KCNMB2: variants seen among roughly 807,000 people sequenced by gnomAD.
KCNMB2 encodes calcium-activated potassium channel subunit beta-2.
A neutral mutation model predicts 24.5 loss-of-function variants in KCNMB2; 9 were observed. The observed-to-expected ratio is 0.37, with a 90% CI of 0.22 to 0.64. KCNMB2 has a LOEUF of 0.64. Among genes scored for constraint, KCNMB2 ranks in the 30% least tolerant of loss-of-function variants. KCNMB2 has a pLI of 0.63. For missense variants in KCNMB2, 226 were observed against 284.3 expected (o/e 0.79, Z 1.47); for synonymous variants, 109 against 104.4 (o/e 1.04, Z -0.27).
intron 1 of KCNMB2, among the ~76,000 whole-genome samples, chr3:178,761,942 C>T (rs34886170): frequency 0.099 from 15,094 of 152,076 alleles, 841 homozygotes; most frequent in Middle Eastern, 0.22. Context: ...GAGGCCGAGG[C>T]GGGCGGATCA....
At chr3:178,657,107 G>T (rs1720372210) in intron 1 of KCNMB2, among the ~76,000 whole-genome samples, 1 of 151,554 alleles carries the variant, frequency 6.6e-6, no homozygotes, top group Admixed American at 6.6e-5. Context: ...GGGTTCCCAG[G>T]TTGTCTAAAT....
intron 2 of KCNMB2, among the ~76,000 whole-genome samples, chr3:178,811,220 A>T (rs1714179487): frequency 6.6e-6 from 1 of 152,228 alleles, no homozygotes; most frequent in African/African-American, 2.4e-5. Context: ...ATGTTAATAT[A>T]CAAAGTGATA....
intron 2 of KCNMB2, among the ~76,000 whole-genome samples, chr3:178,823,309 T>C (rs1033935052): frequency 1.3e-5 from 2 of 151,876 alleles, no homozygotes; most frequent in Admixed American, 6.6e-5. Flanking sequence ...TGGGGAACAA[T>C]GAAAGATATG....
intron 1 of KCNMB2, among the ~76,000 whole-genome samples, chr3:178,684,524 T>C (rs1194552142): frequency 6.6e-6 from 1 of 152,046 alleles, no homozygotes; most frequent in Non-Finnish European, 1.5e-5. Context: ...AAATGGGTAA[T>C]TATTTGAGAT....
chr3:178,715,966 C>T (rs1325285233), intron 1 of KCNMB2, among the ~76,000 whole-genome samples: 1 of 152,118 alleles, frequency 6.6e-6, no homozygotes, highest in Non-Finnish European at 1.5e-5. Flanking sequence ...ACTGCCTGCC[C>T]CTCTCTTATG....
intron 1 of KCNMB2, among the ~76,000 whole-genome samples, chr3:178,676,963 C>A (rs1276541024): frequency 6.6e-6 from 1 of 152,074 alleles, no homozygotes; most frequent in Non-Finnish European, 1.5e-5. Context: ...GTGAACAGAC[C>A]ACCCTAGGCC....
intron 1 of KCNMB2, among the ~76,000 whole-genome samples, chr3:178,590,385 AAG>A (rs556649124): frequency 2.0e-5 from 3 of 152,176 alleles, no homozygotes; most frequent in Admixed American, 6.5e-5. Flanking sequence ...GAGGAAAAAA[AAG>A]AGAGCCTTTC....
intron 1 of KCNMB2, among the ~76,000 whole-genome samples, chr3:178,596,228 G>T (rs1156238379): frequency 6.6e-6 from 1 of 152,116 alleles, no homozygotes; most frequent in Non-Finnish European, 1.5e-5. Context: ...TCCAGTTGCA[G>T]ATGATCTATT....
At chr3:178,819,503 C>T (rs1376999443) in intron 2 of KCNMB2, among the ~76,000 whole-genome samples, 1 of 152,056 alleles carries the variant, frequency 6.6e-6, no homozygotes, top group East Asian at 1.9e-4. Flanking sequence ...CTCTCTGTCC[C>T]CTGTTCCCCC....
intron 1 of KCNMB2, among the ~76,000 whole-genome samples, chr3:178,754,906 G>C (rs1723978584): frequency 6.6e-6 from 1 of 152,168 alleles, no homozygotes; most frequent in African/African-American, 2.4e-5. Flanking sequence ...ACAGACTAAA[G>C]TTCCTCTCCC....
chr3:178,580,814 T>G (rs1384985573), intron 1 of KCNMB2, among the ~76,000 whole-genome samples: 5 of 152,120 alleles, frequency 3.3e-5, no homozygotes, highest in Admixed American at 3.3e-4. Context: ...TTACAAGGGA[T>G]GTGAAGGACC....
At chr3:178,760,010 C>A (rs1473289317) in intron 1 of KCNMB2, among the ~76,000 whole-genome samples, 10 of 5,912 alleles carry the variant, frequency 1.7e-3, no homozygotes, top group Non-Finnish European at 2.3e-3. Flanking sequence ...ATATATATAT[C>A]CAAGAGGATA....
rs371684593 is a variant in KCNMB2 at position 178,658,106 on chromosome 3, T to G, written c.-68+121395T>G. 7.9e-5 allele frequency among the ~76,000 whole-genome samples: 12 copies of G among 152,316 alleles called. No homozygotes were observed. The South Asian group carries it at 2.3e-3, about 29-fold the overall frequency. ...TACTTCTGTCTTGGTATTGGCACTT[T>G]AGAATCCCATCCAGCTTAAATGCAT... On this transcript the variant is annotated intron_variant, in intron 1 of 4. Coordinates refer to ENST00000452583, the MANE Select transcript of KCNMB2 (RefSeq NM_181361.3).
rs537877807 is a variant in KCNMB2 at position 178,729,006 on chromosome 3, C to T, written c.-67-78337C>T. Among the ~76,000 whole-genome samples, 536 of 152,152 alleles carry T rather than the reference C, an allele frequency of 3.5e-3. 3 individuals carry two copies. The highest frequency in any genetic ancestry group is 3.6e-3 in the Non-Finnish European group (248 of 67,988). On this transcript the variant is annotated intron_variant, in intron 1 of 4. Coordinates refer to ENST00000452583, the MANE Select transcript of KCNMB2 (RefSeq NM_181361.3). ...GAGAAAGGTCTGTGTGTTACTCTGG[C>T]CTATCACATAATTTTCCAGATGAAA... is the stretch of plus-strand genomic sequence containing the variant.
chr3:178,760,282 ATATATAGATATATCCAAGAGGATATATC>A (rs1711771355), intron 1 of KCNMB2, among the ~76,000 whole-genome samples: 1 of 91,980 alleles, frequency 1.1e-5, no homozygotes, highest in African/African-American at 3.7e-5. Context: ...GGATATATCT[ATATATAGATATATCCAAGAGGATATATC>A]TATATATAGA....
chr3:178,814,451 G>A (rs890784814), intron 2 of KCNMB2, among the ~76,000 whole-genome samples: 11 of 152,134 alleles, frequency 7.2e-5, no homozygotes, highest in Admixed American at 1.3e-4. Context: ...TTCTTTGATA[G>A]AATGATTTCT....
chr3:178,576,643 C>G (rs1717003270), intron 1 of KCNMB2, among the ~76,000 whole-genome samples: 1 of 152,154 alleles, frequency 6.6e-6, no homozygotes, highest in Admixed American at 6.5e-5. Flanking sequence ...CTGGGAGGCT[C>G]AAGCTTGGTA....
At chr3:178,613,713 T>C (rs1392675653) in intron 1 of KCNMB2, among the ~76,000 whole-genome samples, 1 of 152,216 alleles carries the variant, frequency 6.6e-6, no homozygotes, top group East Asian at 1.9e-4. Flanking sequence ...CTCCATTATA[T>C]GTTATTTGTT....
chr3:178,669,407 A>C (rs1391139376), intron 1 of KCNMB2, among the ~76,000 whole-genome samples: 2 of 152,134 alleles, frequency 1.3e-5, no homozygotes, highest in African/African-American at 2.4e-5. Context: ...GAGTGTAGAC[A>C]TTGCAAAGGT....
Sources: allele counts gnomAD v4.1 joint callset (sites outside exome capture counted in the v4.1 genomes callset), GRCh38; gene constraint gnomAD v4.1.1; transcripts MANE v1.5; gene names NCBI Gene and HGNC (gene_info 2026-07-23, HGNC 2026-07-21).